The following CDH18 variants were observed in gnomAD, a reference collection of about 807,000 sequenced individuals.
The protein encoded by CDH18 is cadherin 18.
Under a neutral mutation model 67.9 loss-of-function variants are expected in CDH18, and 31 were observed. The ratio of observed to expected loss-of-function variants is 0.46; its 90% CI spans 0.34 to 0.62. CDH18 has a LOEUF of 0.62. CDH18 is among the 20% of genes least tolerant of loss of function. The pLI is 0.01. For missense variants in CDH18, 890 were observed against 975.5 expected (o/e 0.91, Z 1.17); for synonymous variants, 362 against 347.2 (o/e 1.04, Z -0.48).
At chr5:20,463,244 G>A (rs548660243) in intron 1 of CDH18, among the ~76,000 whole-genome samples, 1 of 141,300 alleles carries the variant, frequency 7.1e-6, no homozygotes, top group Non-Finnish European at 1.6e-5. Context: ...CTTTTGTGAT[G>A]CAATTCTCTA....
chr5:19,573,000 A>G (rs1433770421), intron 7 of CDH18, among the ~76,000 whole-genome samples: 1 of 152,188 alleles, frequency 6.6e-6, no homozygotes, highest in Non-Finnish European at 1.5e-5. Flanking sequence ...TCCAAACCAT[A>G]TATTAAGAAC....
intron 1 of CDH18, among the ~76,000 whole-genome samples, chr5:20,488,493 G>A (rs1305157080): frequency 2.0e-5 from 3 of 151,824 alleles, no homozygotes; most frequent in African/African-American, 7.3e-5. Flanking sequence ...AGCACATAAG[G>A]TAAAATTTGA....
chr5:20,421,456 C>G (rs1296056024), intron 1 of CDH18, among the ~76,000 whole-genome samples: 2 of 150,432 alleles, frequency 1.3e-5, no homozygotes, highest in South Asian at 2.1e-4. Context: ...GTGTCAACAA[C>G]AGTAAGATCA....
chr5:20,343,496 A>T (rs547709620), intron 1 of CDH18, among the ~76,000 whole-genome samples: 7 of 152,244 alleles, frequency 4.6e-5, no homozygotes, highest in Non-Finnish European at 7.3e-5. Flanking sequence ...GTGCAAATAT[A>T]TGTGGCTAGG....
At chr5:20,464,625 G>A (rs1045103629) in intron 1 of CDH18, among the ~76,000 whole-genome samples, 5 of 152,086 alleles carry the variant, frequency 3.3e-5, no homozygotes, top group South Asian at 4.1e-4. Flanking sequence ...ATGTTAATAC[G>A]AAATTTAAGA....
chr5:19,769,207 C>T (rs150327078), intron 3 of CDH18, among the ~76,000 whole-genome samples: 271 of 152,158 alleles, frequency 1.8e-3, no homozygotes, highest in Admixed American at 4.7e-3. Flanking sequence ...ATTCCAGTAG[C>T]TCAATGAACC....
At chr5:19,525,544 TA>T (rs1747628559) in intron 9 of CDH18, among the ~76,000 whole-genome samples, 1 of 152,190 alleles carries the variant, frequency 6.6e-6, no homozygotes, top group African/African-American at 2.4e-5. Context: ...AACAAAATGT[TA>T]GAGTAAATTT....
At chr5:19,667,273 A>T (rs1176529542) in intron 5 of CDH18, among the ~76,000 whole-genome samples, 1 of 151,656 alleles carries the variant, frequency 6.6e-6, no homozygotes, top group Non-Finnish European at 1.5e-5. Context: ...TGATCAAAAT[A>T]TACTTTATTA....
At chr5:20,356,751 C>CTATATA (rs376251008) in intron 1 of CDH18, among the ~76,000 whole-genome samples, 3 of 127,078 alleles carry the variant, frequency 2.4e-5, no homozygotes, top group South Asian at 2.6e-4. Context: ...CTCTCTCTCT[C>CTATATA]TCTATATATA....
chr5:20,160,557 C>CT (rs538368854), intron 2 of CDH18, among the ~76,000 whole-genome samples: 2 of 152,012 alleles, frequency 1.3e-5, no homozygotes, highest in Non-Finnish European at 2.9e-5. Context: ...TGAAAGAATC[C>CT]TTTTTTTAAT....
chr5:20,014,673 GAGA>G (rs1203626875), intron 2 of CDH18, among the ~76,000 whole-genome samples: 3 of 152,110 alleles, frequency 2.0e-5, no homozygotes, highest in Non-Finnish European at 4.4e-5. Context: ...TCTAACACTA[GAGA>G]AGATTAAAAA....
At chr5:20,368,267 A>G in intron 1 of CDH18, among the ~76,000 whole-genome samples, 1 of 152,228 alleles carries the variant, frequency 6.6e-6, no homozygotes. Flanking sequence ...GTAGCTTTCA[A>G]TGGAGCTACA....
At chr5:20,198,796 G>T (rs990126276) in intron 2 of CDH18, among the ~76,000 whole-genome samples, 1 of 152,184 alleles carries the variant, frequency 6.6e-6, no homozygotes, top group Non-Finnish European at 1.5e-5. Context: ...CGCCTGCTGT[G>T]TGCAGCCCAG....
intron 1 of CDH18, among the ~76,000 whole-genome samples, chr5:19,984,944 T>C (rs1369083148): frequency 3.3e-5 from 5 of 152,258 alleles, no homozygotes; most frequent in African/African-American, 1.2e-4. Context: ...CCAGAGTGAA[T>C]GCTCCCTCCC....
intron 3 of CDH18, among the ~76,000 whole-genome samples, chr5:19,835,985 CAGAA>C (rs1169014787): frequency 6.6e-6 from 1 of 152,098 alleles, no homozygotes; most frequent in African/African-American, 2.4e-5. Context: ...CATTCAATTC[CAGAA>C]AGATTGTTTA....
chr5:19,797,071 T>C (rs937013866), intron 3 of CDH18, among the ~76,000 whole-genome samples: 1 of 151,924 alleles, frequency 6.6e-6, no homozygotes. Context: ...ATATAAATGA[T>C]TTAAATAAAA....
chr5:19,626,696 GAA>G (rs11426888), intron 5 of CDH18, among the ~76,000 whole-genome samples: 2 of 145,358 alleles, frequency 1.4e-5, no homozygotes, highest in Admixed American at 6.9e-5. Flanking sequence ...GCAGATTAGT[GAA>G]AAAAAAAAAG....
intron 1 of CDH18, among the ~76,000 whole-genome samples, chr5:20,369,051 T>C (rs181977111): frequency 2.0e-5 from 3 of 152,256 alleles, no homozygotes; most frequent in African/African-American, 7.2e-5. Flanking sequence ...AATAAATCTT[T>C]TTCTTCTTCT....
At chr5:19,724,226 T>C (rs1397413110) in intron 4 of CDH18, among the ~76,000 whole-genome samples, 1 of 152,096 alleles carries the variant, frequency 6.6e-6, no homozygotes, top group Non-Finnish European at 1.5e-5. Flanking sequence ...TGTATGAATC[T>C]TCAGGGAATC....
Sources: gnomAD v4.1 joint callset for allele counts (sites outside exome capture counted in the v4.1 genomes callset) on GRCh38, gnomAD v4.1.1 for gene constraint, MANE v1.5 for transcripts, NCBI Gene and HGNC (gene_info 2026-07-23, HGNC 2026-07-21) for gene names.